Variants in ZNF483 observed in about 807,000 individuals in gnomAD.
The protein encoded by ZNF483 is zinc finger protein 483.
A neutral mutation model predicts 28.6 loss-of-function variants in ZNF483; 9 were observed. The observed-to-expected ratio is 0.32, with a 90% CI of 0.19 to 0.55. The LOEUF (loss-of-function observed/expected upper bound fraction) is 0.55. ZNF483 is among the 20% of genes least tolerant of loss of function. The probability of loss-of-function intolerance (pLI) is 0.93; values close to 1 mark genes in which losing one functional copy is unlikely to be tolerated. For synonymous variants in ZNF483, 322 were observed against 306.2 expected, an observed-to-expected ratio of 1.05 and a Z score of -0.54; for missense variants, 675 against 871.7, an observed-to-expected ratio of 0.77 and a Z score of 2.84.
At chr9:111,572,405 A>G (rs1459572768) in intron 5 of ZNF483, among the ~76,000 whole-genome samples, 1 of 152,184 alleles carries the variant, frequency 6.6e-6, no homozygotes, top group East Asian at 1.9e-4. Context: ...CCATCCTAAC[A>G]CAGTGAAACC....
At position 111,549,475 on chromosome 9, in the gene ZNF483, T is replaced by C. The variant is rs995212336; in HGVS notation, c.*6305T>C. On this transcript the variant is annotated 3_prime_UTR_variant, in exon 6 of 6. Coordinates refer to ENST00000309235, the MANE Select transcript of ZNF483 (RefSeq NM_133464.5). ...GCAAAGTGTTTTTCACCCTGAGAAA[T>C]TGGTGAGGTATCTTTCTCTCAGAGT... is the stretch of plus-strand genomic sequence containing the variant. 3.3e-5 allele frequency among the ~76,000 whole-genome samples: 5 copies of C among 152,182 alleles called. No homozygotes were observed. The highest frequency in any genetic ancestry group is 9.7e-5 in the African/African-American group (4 of 41,448).
chr9:111,530,980 G>A lies in ZNF483; in HGVS notation c.501+17G>A. 7.5e-7 allele frequency: 1 copy of A among 1,326,862 alleles called. No individual in the cohort carries two copies. The highest frequency in any genetic ancestry group is 1.0e-6 in the Non-Finnish European group (1 of 965,606). The allele number at this position is 1,326,862 out of a possible 1,614,324, so 82.2% of individuals were successfully genotyped here. A position where few individuals can be genotyped will look rare whatever the true frequency, so the allele number is the denominator to read the frequency against. On this transcript the variant is annotated intron_variant, in intron 3 of 5. Transcript: ENST00000309235. Reference sequence around the variant, plus strand: ...GAGTCCTGTGTAAGTTTCCTTTGATGGTTTTTATTCCTAAGTGAATACTTA... The same window carrying A: ...GAGTCCTGTGTAAGTTTCCTTTGATAGTTTTTATTCCTAAGTGAATACTTA...
chr9:111,529,909 C>A (rs1029798872), intron 2 of ZNF483, among the ~76,000 whole-genome samples: 4 of 152,084 alleles, frequency 2.6e-5, no homozygotes, highest in Admixed American at 6.6e-5. Context: ...AAATATTTGG[C>A]CTTTTGTCCG....
Position 111,541,886 on chromosome 9 carries a change from A to G in ZNF483, c.951A>G (p.Leu317=). The change falls in exon 6 of 6, where the codon TTA becomes TTG. Residue 317 remains leucine (L), a synonymous_variant. Transcript: ENST00000309235. ...FGHNFKETSD[L]IKHLRVYLRK... ...ATAATTTCAAAGAAACTTCAGACTT[A>G]ATTAAACATCTGAGAGTCTACTTGA... is the stretch of plus-strand genomic sequence containing the variant. The G allele has an allele frequency of 6.2e-7, 1 of 1,614,006 alleles. No individual in the cohort carries two copies. Among genetic ancestry groups the G allele is most frequent in the Non-Finnish European group, 8.5e-7 (1 of 1,180,002 alleles).
At chr9:111,560,896 TCG>T in intron 5 of ZNF483, among the ~76,000 whole-genome samples, 1 of 139,950 alleles carries the variant, frequency 7.1e-6, no homozygotes, top group South Asian at 2.2e-4. Context: ...TGAGTGGAGA[TCG>T]CACCACTGCA....
downstream of ZNF483, among the ~76,000 whole-genome samples, chr9:111,559,629 A>AACACACACACACATACAGC (rs1483048401): frequency 1.4e-5 from 2 of 147,054 alleles, no homozygotes; most frequent in East Asian, 2.0e-4. Flanking sequence ...ATACATATAT[A>AACACACACACACATACAGC]ACACACACAC....
chr9:111,550,776 G>A lies in ZNF483; in HGVS notation c.*7606G>A, dbSNP rs367701368. On this transcript the variant is annotated 3_prime_UTR_variant, in exon 6 of 6. Transcript: ENST00000309235. ...TGCTGTCATATTTTTATTTCCAAGT[G>A]CATTATCTGATTCTTTCTTCCTTTT... is the stretch of plus-strand genomic sequence containing the variant. Among the ~76,000 whole-genome samples, 35 of 152,214 alleles carry A rather than the reference G, an allele frequency of 2.3e-4. No homozygotes were observed. Among genetic ancestry groups the A allele is most frequent in the Admixed American group, 1.6e-3 (24 of 15,298 alleles).
rs1444477715 is a variant in ZNF483, at chr9:111,555,180, A to G, written c.*12010A>G. 2.6e-5 allele frequency among the ~76,000 whole-genome samples: 4 copies of G among 152,112 alleles called. No individual in the cohort carries two copies. The highest frequency in any genetic ancestry group is 4.4e-5 in the Non-Finnish European group (3 of 68,016). On this transcript the variant is annotated 3_prime_UTR_variant, in exon 6 of 6. Coordinates refer to ENST00000309235, the MANE Select transcript of ZNF483 (RefSeq NM_133464.5). Reference sequence around the variant, plus strand: ...CTTATTTCCATCCTCCTCCAGGCCCAGGGTACCCAAGTTAATAGCCTATCA... The same window carrying G: ...CTTATTTCCATCCTCCTCCAGGCCCGGGGTACCCAAGTTAATAGCCTATCA...
chr9:111,558,926 G>A (rs73656265), downstream of ZNF483, among the ~76,000 whole-genome samples: 864 of 152,128 alleles, frequency 5.7e-3, 6 homozygotes, highest in African/African-American at 0.02. Flanking sequence ...CCTTCTGTAT[G>A]TAACCATCTT....
rs915274953 is a variant in ZNF483 at position 111,545,788 on chromosome 9, A to G, written c.*2618A>G. Among the ~76,000 whole-genome samples, 6 of 152,170 alleles carry G rather than the reference A, an allele frequency of 3.9e-5. No individual in the cohort carries two copies. The South Asian group carries it at 8.3e-4, about 21-fold the overall frequency. On this transcript the variant is annotated 3_prime_UTR_variant, in exon 6 of 6. Transcript: ENST00000309235. Reference sequence around the variant, plus strand: ...GGATGCTTCGTGCATTCACTAGTTGAAGAACATTTGAGGTTTTTCCAGTTT... The same window carrying G: ...GGATGCTTCGTGCATTCACTAGTTGGAGAACATTTGAGGTTTTTCCAGTTT...
At position 111,548,168 on chromosome 9, in the gene ZNF483, G is replaced by GGTTT. The variant is rs1284373852; in HGVS notation, c.*5007_*5010dup. 6.6e-6 allele frequency among the ~76,000 whole-genome samples: 1 copy of GGTTT among 152,102 alleles called. No homozygotes were observed. The highest frequency in any genetic ancestry group is 1.5e-5 in the Non-Finnish European group (1 of 68,002). On this transcript the variant is annotated 3_prime_UTR_variant, in exon 6 of 6. Transcript: ENST00000309235. ...TAAGATTTCAAATGAATTTTAGGAT[G>GGTTT]GTTTGTTTGTTTTTGTGGAAAATGG...
In ZNF483 at chr9:111,547,223, T is replaced by G. The variant is rs1158564645; in HGVS notation, c.*4053T>G. 6.6e-6 allele frequency among the ~76,000 whole-genome samples: 1 copy of G among 152,156 alleles called. No homozygotes were observed. The highest frequency in any genetic ancestry group is 6.5e-5 in the Admixed American group (1 of 15,272). ...ATCTTATGATGATTCTATATTTAAC[T>G]TCTTGAGGAAGTGCAACTACACTAT... is the stretch of plus-strand genomic sequence containing the variant. On this transcript the variant is annotated 3_prime_UTR_variant, in exon 6 of 6. Transcript: ENST00000309235.
rs749820639 is a variant in ZNF483, at chr9:111,548,856, G to A, written c.*5686G>A. 7.3e-5 allele frequency among the ~76,000 whole-genome samples: 11 copies of A among 151,104 alleles called. No individual in the cohort carries two copies. Among genetic ancestry groups the A allele is most frequent in the African/African-American group, 1.7e-4 (7 of 41,050 alleles). On this transcript the variant is annotated 3_prime_UTR_variant, in exon 6 of 6. Coordinates refer to ENST00000309235, the MANE Select transcript of ZNF483 (RefSeq NM_133464.5). ...CTTTCTGCATTAAGAGTATAACAAC[G>A]CCACAGCCTTCTGGCTTCCAAGGTT...
chr9:111,565,721 C>T (rs1260386916), intron 5 of ZNF483, among the ~76,000 whole-genome samples: 2 of 152,034 alleles, frequency 1.3e-5, no homozygotes, highest in Non-Finnish European at 2.9e-5. Flanking sequence ...TGTAGAGTCT[C>T]ATTATGTTGC....
At position 111,575,990 on chromosome 9, in the gene ZNF483, CA is replaced by C. The variant is rs113507485; in HGVS notation, c.722-365del. Among the ~76,000 whole-genome samples the C allele has an allele frequency of 4.9e-4, 72 of 147,460 alleles. No individual in the cohort carries two copies. The East Asian group carries it at 8.3e-3, about 17-fold the overall frequency. On this transcript the variant is annotated intron_variant, in intron 5 of 5. Transcript: ENST00000358151. ...GCAACATAGTGAGACTCCATCTCTACAAAAAAAAAATACATAAAAATTAGCT... is the reference window on the plus strand; with the variant it reads ...GCAACATAGTGAGACTCCATCTCTACAAAAAAAAATACATAAAAATTAGCT...
chr9:111,529,766 C>T (rs1258815486), intron 2 of ZNF483, among the ~76,000 whole-genome samples: 1 of 152,186 alleles, frequency 6.6e-6, no homozygotes, highest in African/African-American at 2.4e-5. Context: ...AAACTTTTAT[C>T]TATGGCTGTT....
chr9:111,543,852 T>C lies in ZNF483; in HGVS notation c.*682T>C. 1 of 968,976 alleles carries C rather than the reference T, an allele frequency of 1.0e-6. No homozygotes were observed. The allele number at this position is 968,976 out of a possible 1,614,324, so 60.0% of individuals were successfully genotyped here. A position where few individuals can be genotyped will look rare whatever the true frequency, so the allele number is the denominator to read the frequency against. On this transcript the variant is annotated 3_prime_UTR_variant, in exon 6 of 6. Transcript: ENST00000309235. Reference sequence around the variant, plus strand: ...CCAGACTGGTCTTGAACTCCTGGGCTCAAGTGATCCTTCCATCTCACTTTC... The same window carrying C: ...CCAGACTGGTCTTGAACTCCTGGGCCCAAGTGATCCTTCCATCTCACTTTC...
chr9:111,536,615 A>G (rs539733623), intron 5 of ZNF483, among the ~76,000 whole-genome samples: 4 of 152,310 alleles, frequency 2.6e-5, no homozygotes, highest in East Asian at 1.9e-4. Flanking sequence ...GCTCTATTCC[A>G]TCTTCTCAAA....
At chr9:111,563,291 T>C (rs1252672410) in intron 5 of ZNF483, 2 of 1,471,410 alleles carry the variant, frequency 1.4e-6, no homozygotes, top group African/African-American at 1.4e-5. Flanking sequence ...GATATACTGT[T>C]CTCATCCTAG....
Sources: allele counts gnomAD v4.1 joint callset (sites outside exome capture counted in the v4.1 genomes callset), GRCh38; gene constraint gnomAD v4.1.1; transcripts MANE v1.5; gene names NCBI Gene and HGNC (gene_info 2026-07-23, HGNC 2026-07-21).